The following ZCCHC8 variants were observed in gnomAD, a reference collection of about 807,000 sequenced individuals.
ZCCHC8 encodes zinc finger CCHC-type containing 8.
A neutral mutation model predicts 70.6 loss-of-function variants in ZCCHC8; 27 were observed. That is an observed-to-expected ratio of 0.38 (90% CI 0.28 to 0.53). The LOEUF is 0.53. Among genes scored for constraint, ZCCHC8 ranks in the 20% least tolerant of loss-of-function variants. The pLI is 0.81. For missense variants in ZCCHC8, 737 were observed against 876.9 expected (o/e 0.84, Z 2.01); for synonymous variants, 293 against 317.4 (o/e 0.92, Z 0.82).
At position 122,482,705 on chromosome 12, in the gene ZCCHC8, C is replaced by T. The variant is rs1957559690; in HGVS notation, c.672-10G>A. On this transcript the variant is annotated splice_polypyrimidine_tract_variant and intron_variant, in intron 7 of 13. Coordinates refer to ENST00000633063, the MANE Select transcript of ZCCHC8 (RefSeq NM_017612.5). ...ACAGTGAGGCTTTGGCCTATTTGGT[C>T]AAAAGACAAAGATTTTTATAATGTC... 3 of 1,595,732 alleles carry T rather than the reference C, an allele frequency of 1.9e-6. No homozygotes were observed. The South Asian group carries it at 3.4e-5, about 18-fold the overall frequency.
At chr12:122,493,974 C>T (rs1957787362) in intron 2 of ZCCHC8, among the ~76,000 whole-genome samples, 1 of 152,122 alleles carries the variant, frequency 6.6e-6, no homozygotes, top group South Asian at 2.1e-4. Flanking sequence ...TAGGAAAGAA[C>T]ACTTTATAAA....
chr12:122,496,238 C>T (rs1242705806), intron 2 of ZCCHC8, among the ~76,000 whole-genome samples: 1 of 151,946 alleles, frequency 6.6e-6, no homozygotes, highest in Non-Finnish European at 1.5e-5. Context: ...AGGACTAAAT[C>T]AAAAGGCTTG....
chr12:122,486,988 TA>T (rs1187637303), intron 5 of ZCCHC8, among the ~76,000 whole-genome samples: 22 of 152,278 alleles, frequency 1.4e-4, no homozygotes, highest in Admixed American at 7.8e-4. Flanking sequence ...CCTTCATGAG[TA>T]ATACCTTTAA....
chr12:122,477,439 C>A (rs1176756403), intron 13 of ZCCHC8, among the ~76,000 whole-genome samples: 1 of 142,424 alleles, frequency 7.0e-6, no homozygotes, highest in African/African-American at 2.5e-5. Flanking sequence ...CAGGCGTGAG[C>A]CACCGCGCCC....
Position 122,478,308 on chromosome 12 carries a change from G to T in ZCCHC8, c.1141-16C>A. On this transcript the variant is annotated splice_polypyrimidine_tract_variant and intron_variant, in intron 11 of 13. Coordinates refer to ENST00000633063, the MANE Select transcript of ZCCHC8 (RefSeq NM_017612.5). ...TCCTCCATTCCTAATGATGAAAAGAGAAGGAAAAAAAAAACACATGTATTT... is the reference window on the plus strand; with the variant it reads ...TCCTCCATTCCTAATGATGAAAAGATAAGGAAAAAAAAAACACATGTATTT... The T allele has an allele frequency of 6.6e-7, 1 of 1,523,970 alleles. No individual in the cohort carries two copies. Among genetic ancestry groups the T allele is most frequent in the Non-Finnish European group, 8.8e-7 (1 of 1,130,026 alleles). 94.4% of individuals were successfully genotyped at this position (1,523,970 alleles called of 1,614,324 possible).
chr12:122,478,158 C>A (rs879421097), intron 12 of ZCCHC8, 48 bp downstream of exon 12: 1 of 1,449,586 alleles, frequency 6.9e-7, no homozygotes, highest in Non-Finnish European at 9.5e-7. Context: ...TACACAATCT[C>A]GCAGACACAA....
At chr12:122,494,192 A>G (rs945552038) in intron 2 of ZCCHC8, among the ~76,000 whole-genome samples, 1 of 152,108 alleles carries the variant, frequency 6.6e-6, no homozygotes, top group Non-Finnish European at 1.5e-5. Flanking sequence ...CACCTGCCTC[A>G]TATTTCTTTT....
intron 5 of ZCCHC8, among the ~76,000 whole-genome samples, chr12:122,485,599 G>A (rs1957618112): frequency 6.6e-6 from 1 of 151,906 alleles, no homozygotes; most frequent in Admixed American, 6.6e-5. Flanking sequence ...GCTTAAAACT[G>A]CACTGGATTT....
intron 10 of ZCCHC8, 53 bp downstream of exon 10, chr12:122,481,469 T>TAA (rs57144421): frequency 5.8e-3 from 7,427 of 1,279,060 alleles, no homozygotes; most frequent in South Asian, 6.4e-3. Context: ...ATTCTTTAAT[T>TAA]AAAAAAAAAA....
At chr12:122,492,674 A>C in intron 3 of ZCCHC8, 41 bp downstream of exon 3, 1 of 1,286,752 alleles carries the variant, frequency 7.8e-7, no homozygotes, top group Non-Finnish European at 1.1e-6. Flanking sequence ...ATTGTTCCAT[A>C]AACACATTAT....
At chr12:122,479,234 C>T (rs906270500) in intron 11 of ZCCHC8, among the ~76,000 whole-genome samples, 1 of 152,182 alleles carries the variant, frequency 6.6e-6, no homozygotes, top group African/African-American at 2.4e-5. Context: ...TGCCACCACG[C>T]TCAGCTAATT....
intron 11 of ZCCHC8, 39 bp downstream of exon 11, chr12:122,480,151 T>C: frequency 6.7e-7 from 1 of 1,494,468 alleles, no homozygotes; most frequent in Non-Finnish European, 9.1e-7. Flanking sequence ...CATAATAATA[T>C]CACATCACAT....
chr12:122,500,655 C>G lies in ZCCHC8; in HGVS notation c.186G>C (p.Gln62His). The change falls in exon 1 of 14, where the codon CAG (glutamine) becomes CAC (histidine). Residue 62 changes from glutamine (Q) to histidine (H), a missense_variant. Transcript: ENST00000633063. This position sits in a 1 kb window ranked among gnomAD's most constrained non-coding sequence, Gnocchi z 4.8. ...AGGAAAGGATATTCTCGGCGCGGAG[C>G]TGCTCGATGGTCTCCTCGCACTGCC... Reference protein sequence around the residue: ...RLRQCEETIEQLRAENQELKR... With the variant: ...RLRQCEETIEHLRAENQELKR... 1 of 1,575,372 alleles carries G rather than the reference C, an allele frequency of 6.3e-7. No individual in the cohort carries two copies. The highest frequency in any genetic ancestry group is 8.6e-7 in the Non-Finnish European group (1 of 1,161,908).
intron 2 of ZCCHC8, among the ~76,000 whole-genome samples, chr12:122,496,047 G>A (rs1957822143): frequency 6.6e-6 from 1 of 151,578 alleles, no homozygotes; most frequent in Non-Finnish European, 1.5e-5. Flanking sequence ...TGTTCCTGTG[G>A]TTCCAGCTAC....
intron 13 of ZCCHC8, among the ~76,000 whole-genome samples, chr12:122,476,192 G>A (rs955302517): frequency 3.3e-5 from 5 of 152,328 alleles, no homozygotes; most frequent in Admixed American, 2.6e-4. Flanking sequence ...GACAGAGAGT[G>A]GTAACTAGGG....
rs1593339863 is a variant in ZCCHC8, at chr12:122,500,563, C to T, written c.199+79G>A. On this transcript the variant is annotated intron_variant, in intron 1 of 13. Coordinates refer to ENST00000633063, the MANE Select transcript of ZCCHC8 (RefSeq NM_017612.5). The surrounding 1 kb of genome is among the most constrained non-coding windows in gnomAD (Gnocchi z 4.8). ...TTCCGCCCGCGCCCTCGCCCTCGCCCGGCGCTGCCCCGGCCCCACGCCTGG... is the reference window on the plus strand; with the variant it reads ...TTCCGCCCGCGCCCTCGCCCTCGCCTGGCGCTGCCCCGGCCCCACGCCTGG... The T allele has an allele frequency of 2.1e-6, 3 of 1,445,308 alleles. No homozygotes were observed. The highest frequency in any genetic ancestry group is 2.7e-5 in the South Asian group (2 of 72,890). 89.5% of individuals were successfully genotyped at this position (1,445,308 alleles called of 1,614,324 possible).
intron 13 of ZCCHC8, among the ~76,000 whole-genome samples, chr12:122,477,080 G>T (rs1957433533): frequency 6.6e-6 from 1 of 151,366 alleles, no homozygotes; most frequent in Non-Finnish European, 1.5e-5. Flanking sequence ...CTTTGATTCT[G>T]AACTTTGAAG....
chr12:122,473,941 T>G lies in ZCCHC8; in HGVS notation c.1680A>C (p.Pro560=), dbSNP rs764675262. 53 of 1,611,254 alleles carry G rather than the reference T, an allele frequency of 3.3e-5. 3 individuals carry two copies. The South Asian group carries it at 5.0e-4, about 15-fold the overall frequency. Residue 560 remains proline (P), a synonymous_variant, in exon 14 of 14, where the codon CCA becomes CCC. Transcript: ENST00000633063. ...TGNSVASSPC[P]NELDLPVPEG... Reference sequence around the variant, plus strand: ...CCGGGACAGGGAGGTCTAGCTCATTTGGACAAGGTGATGAGGCAACGGAAT... The same window carrying G: ...CCGGGACAGGGAGGTCTAGCTCATTGGGACAAGGTGATGAGGCAACGGAAT...
intron 10 of ZCCHC8, 107 bp downstream of exon 10, chr12:122,481,415 G>A (rs1286789251): frequency 1.5e-6 from 2 of 1,341,086 alleles, no homozygotes; most frequent in Non-Finnish European, 2.0e-6. Context: ...TTTTTAGTTA[G>A]CACACATTAA....
Sources: allele counts gnomAD v4.1 joint callset (sites outside exome capture counted in the v4.1 genomes callset), GRCh38; gene constraint gnomAD v4.1.1; non-coding constraint Gnocchi (gnomAD v3.1); transcripts MANE v1.5; gene names NCBI Gene and HGNC (gene_info 2026-07-23, HGNC 2026-07-21).